Variants in KLHL6 observed in about 807,000 individuals in gnomAD.
The protein encoded by KLHL6 is kelch like family member 6, also known as kelch-like protein 6.
In KLHL6, 41 loss-of-function variants were observed where a neutral mutation model predicts 58.6. The observed-to-expected ratio is 0.70, with a 90% CI of 0.55 to 0.91. KLHL6 has a LOEUF of 0.91. Among genes scored for constraint, KLHL6 ranks in the 40% least tolerant of loss-of-function variants. The probability of loss-of-function intolerance (pLI) is 0.00; values close to 1 mark genes in which losing one functional copy is unlikely to be tolerated. For missense variants in KLHL6, 714 were observed against 805.6 expected (o/e 0.89, Z 1.38); for synonymous variants, 338 against 322.7 (o/e 1.05, Z -0.51).
chr3:183,547,209 G>C lies in KLHL6; in HGVS notation c.293+8152C>G, dbSNP rs927876328. On this transcript the variant is annotated intron_variant, in intron 1 of 6. Transcript: ENST00000341319. ...ATTACAGGAGTAAGCCACTGCACCC[G>C]ACCTCAGAGTCTTTATTTATTCCAC... 2.6e-5 allele frequency among the ~76,000 whole-genome samples: 4 copies of C among 152,118 alleles called. No homozygotes were observed. The East Asian group carries it at 7.7e-4, about 29-fold the overall frequency.
rs922971906 is a variant in KLHL6, at chr3:183,492,290, C to A, written c.1565-62G>T. The A allele has an allele frequency of 2.0e-5, 29 of 1,452,166 alleles. No homozygotes were observed. Among genetic ancestry groups the A allele is most frequent in the Non-Finnish European group, 2.5e-5 (27 of 1,081,842 alleles). 90.0% of individuals were successfully genotyped at this position (1,452,166 alleles called of 1,614,324 possible). ...ATTTTTCTGGTTTCTTCCCTCTTAA[C>A]CACTAAAATTCAACTTCTGATTAGG... is the stretch of plus-strand genomic sequence containing the variant. On this transcript the variant is annotated intron_variant, in intron 6 of 6. Transcript: ENST00000341319. The surrounding 1 kb of genome is among the most constrained non-coding windows in gnomAD (Gnocchi z 5.9).
rs202038571 is a variant in KLHL6 at position 183,491,898 on chromosome 3, G to A, written c.*29C>T. The stretch of plus-strand genomic sequence containing the variant: ...GGTGAGGCGGGTACGCTGAGGGTCG[G>A]GGGGGCTCTCCAGCTCCCCATCCTG... On this transcript the variant is annotated 3_prime_UTR_variant, in exon 7 of 7. Transcript: ENST00000341319. The A allele has an allele frequency of 4.0e-5, 59 of 1,458,276 alleles. No individual in the cohort carries two copies. The African/African-American group carries it at 6.3e-4, about 15-fold the overall frequency. The allele number at this position is 1,458,276 out of a possible 1,614,324, so 90.3% of individuals were successfully genotyped here. A position where few individuals can be genotyped will look rare whatever the true frequency, so the allele number is the denominator to read the frequency against.
chr3:183,551,600 A>G (rs1447451781), intron 1 of KLHL6, among the ~76,000 whole-genome samples: 1 of 152,234 alleles, frequency 6.6e-6, no homozygotes, highest in Non-Finnish European at 1.5e-5. Context: ...TTGAAAGATT[A>G]CAGGGAAGGA....
rs1285115592 is a variant in KLHL6 at position 183,494,081 on chromosome 3, C to G, written c.1348G>C (p.Glu450Gln). Residue 450 changes from glutamate (E) to glutamine (Q), a missense_variant and splice_region_variant, in exon 5 of 7, where the codon GAG (glutamate) becomes CAG (glutamine). By Grantham distance (29) the Glu-to-Gln change is conservative. Transcript: ENST00000341319. Reference protein sequence around the residue: ...TYDPFHNCWSEAAPLLVHVSS... With the variant: ...TYDPFHNCWSQAAPLLVHVSS... ...CTGGTAGAAATCGTGTCCTATACCTCTGACCAGCAGTTGTGAAAGGGGTCG... is the reference window on the plus strand; with the variant it reads ...CTGGTAGAAATCGTGTCCTATACCTGTGACCAGCAGTTGTGAAAGGGGTCG... 6.2e-7 allele frequency: 1 copy of G among 1,613,824 alleles called. No individual in the cohort carries two copies. The highest frequency in any genetic ancestry group is 8.5e-7 in the Non-Finnish European group (1 of 1,179,710).
chr3:183,494,285 C>A lies in KLHL6; in HGVS notation c.1148-4G>T, dbSNP rs1203090376. On this transcript the variant is annotated splice_polypyrimidine_tract_variant and splice_region_variant and intron_variant, in intron 4 of 6. Transcript: ENST00000341319. ...TCATGCTGTGTTTCTTTGCCACCTG[C>A]AAGAGATACAAAGCATTTAAGAAAC... 14 of 1,605,722 alleles carry A rather than the reference C, an allele frequency of 8.7e-6. No individual in the cohort carries two copies. Among genetic ancestry groups the A allele is most frequent in the Non-Finnish European group, 1.2e-5 (14 of 1,172,648 alleles).
At position 183,533,761 on chromosome 3, in the gene KLHL6, C is replaced by A. The variant is rs367786084; in HGVS notation, c.294-5751G>T. ...TGTTTTAGTCAAGGTGATCGTCCCC[C>A]CTCTGTCCTTCCGCCTCCGTCCTTC... On this transcript the variant is annotated intron_variant, in intron 1 of 6. Coordinates refer to ENST00000341319, the MANE Select transcript of KLHL6 (RefSeq NM_130446.4). Among the ~76,000 whole-genome samples, 12 of 151,964 alleles carry A rather than the reference C, an allele frequency of 7.9e-5. No individual in the cohort carries two copies. In the South Asian group the frequency reaches 1.7e-3, roughly 21 times the overall value.
At chr3:183,505,653 GAA>G (rs879349862) in intron 3 of KLHL6, among the ~76,000 whole-genome samples, 1 of 142,592 alleles carries the variant, frequency 7.0e-6, no homozygotes, top group Admixed American at 7.0e-5. Context: ...GATTGATCAG[GAA>G]AAAAAAAAAG....
intron 1 of KLHL6, among the ~76,000 whole-genome samples, chr3:183,537,536 A>G (rs1170743430): frequency 1.3e-5 from 2 of 152,230 alleles, no homozygotes; most frequent in Admixed American, 1.3e-4. Flanking sequence ...ATCTCACAGC[A>G]GCATACCAGT....
At chr3:183,510,850 G>A (rs1413840962) in intron 2 of KLHL6, among the ~76,000 whole-genome samples, 3 of 129,106 alleles carry the variant, frequency 2.3e-5, no homozygotes, top group African/African-American at 7.9e-5. Context: ...TCTAGCCCGG[G>A]CAACAAGAGC....
chr3:183,502,423 C>T (rs1448854758), intron 3 of KLHL6, among the ~76,000 whole-genome samples: 2 of 152,096 alleles, frequency 1.3e-5, no homozygotes, highest in Non-Finnish European at 2.9e-5. Context: ...TCCTGGTATT[C>T]ACATCTGTGT....
intron 2 of KLHL6, among the ~76,000 whole-genome samples, chr3:183,519,362 A>T (rs1464445566): frequency 5.3e-5 from 8 of 152,164 alleles, no homozygotes; most frequent in African/African-American, 2.4e-5. Context: ...AGAGAGACTG[A>T]TGGGAACACA....
intron 2 of KLHL6, among the ~76,000 whole-genome samples, chr3:183,517,692 G>C (rs756555885): frequency 6.6e-6 from 1 of 152,228 alleles, no homozygotes; most frequent in African/African-American, 2.4e-5. Flanking sequence ...CAGAGAAGAC[G>C]GTGGTGGCCC....
chr3:183,516,508 G>A (rs758036244), intron 2 of KLHL6, among the ~76,000 whole-genome samples: 1 of 152,214 alleles, frequency 6.6e-6, no homozygotes, highest in Non-Finnish European at 1.5e-5. Flanking sequence ...CAAATGAGGA[G>A]ACTAAAAATA....
intron 1 of KLHL6, among the ~76,000 whole-genome samples, chr3:183,532,356 T>C (rs1279714652): frequency 6.6e-6 from 1 of 152,202 alleles, no homozygotes; most frequent in African/African-American, 2.4e-5. Flanking sequence ...ACTTCCAGAC[T>C]CTATAGAAGT....
At chr3:183,510,996 A>C (rs1408582259) in intron 2 of KLHL6, among the ~76,000 whole-genome samples, 2 of 152,198 alleles carry the variant, frequency 1.3e-5, no homozygotes, top group Non-Finnish European at 2.9e-5. Flanking sequence ...AAAAGAAATA[A>C]GACACAGAGG....
At chr3:183,531,977 G>A (rs1212841385) in intron 1 of KLHL6, among the ~76,000 whole-genome samples, 4 of 152,224 alleles carry the variant, frequency 2.6e-5, no homozygotes, top group Admixed American at 1.3e-4. Flanking sequence ...TTGGGAAGCT[G>A]TTGGGATATA....
intron 1 of KLHL6, among the ~76,000 whole-genome samples, chr3:183,532,747 A>G (rs1383087580): frequency 2.0e-5 from 3 of 152,242 alleles, no homozygotes; most frequent in African/African-American, 7.2e-5. Context: ...CTGGAAAGAT[A>G]ACCTGGATCC....
At position 183,490,276 on chromosome 3, in the gene KLHL6, A is replaced by G. The variant is rs1447533969; in HGVS notation, c.*1651T>C. On this transcript the variant is annotated 3_prime_UTR_variant, in exon 7 of 7. Coordinates refer to ENST00000341319, the MANE Select transcript of KLHL6 (RefSeq NM_130446.4). ...GGTATCAGGAACGTGGACCTAAATCACTGTGTAAAAACTAGAAAGTGTACC... is the reference window on the plus strand; with the variant it reads ...GGTATCAGGAACGTGGACCTAAATCGCTGTGTAAAAACTAGAAAGTGTACC... 2 of 152,234 alleles carry G rather than the reference A, an allele frequency of 1.3e-5. No individual in the cohort carries two copies. The highest frequency in any genetic ancestry group is 2.9e-5 in the Non-Finnish European group (2 of 68,056). 9.4% of individuals were successfully genotyped at this position (152,234 alleles called of 1,614,324 possible). A position where few individuals can be genotyped will look rare whatever the true frequency, so the allele number is the denominator to read the frequency against.
intron 1 of KLHL6, among the ~76,000 whole-genome samples, chr3:183,541,696 A>G (rs1043652995): frequency 1.3e-5 from 2 of 152,126 alleles, no homozygotes; most frequent in Non-Finnish European, 2.9e-5. Flanking sequence ...AAAAACAAAC[A>G]AACAAAAAAA....
Sources: allele counts gnomAD v4.1 joint callset (sites outside exome capture counted in the v4.1 genomes callset), GRCh38; gene constraint gnomAD v4.1.1; non-coding constraint Gnocchi (gnomAD v3.1); transcripts MANE v1.5; gene names NCBI Gene and HGNC (gene_info 2026-07-23, HGNC 2026-07-21).